The following RGS22 variants were observed in gnomAD, a reference collection of about 807,000 sequenced individuals.
RGS22 encodes regulator of G-protein signaling 22.
Under a neutral mutation model 172.9 loss-of-function variants are expected in RGS22, and 148 were observed. The observed-to-expected ratio is 0.86, with a 90% confidence interval of 0.75 to 0.98. The LOEUF is 0.98. RGS22 is among the 50% of genes least tolerant of loss of function. The probability of loss-of-function intolerance (pLI) is 0.00; values close to 1 mark genes in which losing one functional copy is unlikely to be tolerated. For synonymous variants in RGS22, 458 were observed against 480.2 expected, an observed-to-expected ratio of 0.95 and a Z score of 0.60; for missense variants, 1,347 against 1,440.8, an observed-to-expected ratio of 0.93 and a Z score of 1.05.
chr8:100,067,936 G>A (rs1810659511), intron 6 of RGS22, among the ~76,000 whole-genome samples: 1 of 152,002 alleles, frequency 6.6e-6, no homozygotes, highest in African/African-American at 2.4e-5. Context: ...ACTTTTAAGA[G>A]ATGTGCCAAT....
intron 4 of RGS22, among the ~76,000 whole-genome samples, chr8:100,074,642 C>T (rs1226934815): frequency 6.6e-6 from 1 of 152,138 alleles, no homozygotes; most frequent in East Asian, 1.9e-4. Context: ...TATGGATATA[C>T]CACAGTTTGT....
At chr8:100,057,537 G>T (rs1342009767) in intron 9 of RGS22, among the ~76,000 whole-genome samples, 1 of 152,096 alleles carries the variant, frequency 6.6e-6, no homozygotes, top group African/African-American at 2.4e-5. Context: ...GAATCGTGTG[G>T]GTGGGTCTTT....
In RGS22 at chr8:100,079,945, A is replaced by T. The variant is rs559679539; in HGVS notation, c.339+189T>A. The stretch of plus-strand genomic sequence containing the variant: ...AAATTATATGAATCTTCTCAAATTG[A>T]TAAGTGAACATCAACAAAACTGCTG... On this transcript the variant is annotated intron_variant, in intron 4 of 27. Transcript: ENST00000360863. Among the ~76,000 whole-genome samples, 10 of 152,342 alleles carry T rather than the reference A, an allele frequency of 6.6e-5. No homozygotes were observed. The South Asian group carries it at 1.9e-3, about 28-fold the overall frequency.
At chr8:99,962,311 T>C (rs1810287934) in intron 27 of RGS22, 83 bp downstream of exon 27, 2 of 840,168 alleles carry the variant, frequency 2.4e-6, no homozygotes, top group Admixed American at 1.9e-5. Flanking sequence ...TGGTATGCTG[T>C]GTGTGTGCAT....
Position 100,063,497 on chromosome 8 carries a change from C to T in RGS22, c.1271G>A (p.Gly424Asp). ...EFERFKKFIK[G>D]TLGERYWWLW... ...CCACCAATATCTCTCTCCCAATGTA[C>T]CTTTTATAAATTTCTTAAATCTTTC... The change falls in exon 8 of 28, where the codon GGT (glycine) becomes GAT (aspartate). Residue 424 changes from glycine to aspartate, a missense_variant. Physicochemically the swap from Gly to Asp is moderately conservative, Grantham distance 94. Transcript: ENST00000360863. 1 of 1,613,606 alleles carries T rather than the reference C, an allele frequency of 6.2e-7. No homozygotes were observed. The highest frequency in any genetic ancestry group is 1.1e-5 in the South Asian group (1 of 91,060).
intron 23 of RGS22, among the ~76,000 whole-genome samples, chr8:99,975,514 C>T (rs977960532): frequency 6.6e-6 from 1 of 151,852 alleles, no homozygotes; most frequent in Non-Finnish European, 1.5e-5. Flanking sequence ...TTTGAGAAGA[C>T]CCAAGGCCTA....
At chr8:100,104,719 A>G (rs1018560186) in intron 2 of RGS22, among the ~76,000 whole-genome samples, 7 of 152,212 alleles carry the variant, frequency 4.6e-5, no homozygotes, top group African/African-American at 1.7e-4. Flanking sequence ...TAAGTGCTGG[A>G]AGACATAAAT....
rs762391432 is a variant in RGS22 at position 100,074,856 on chromosome 8, C to T, written c.340-2626G>A. 3.3e-5 allele frequency among the ~76,000 whole-genome samples: 5 copies of T among 152,110 alleles called. 1 individual carries two copies. Among genetic ancestry groups the T allele is most frequent in the Non-Finnish European group, 7.4e-5 (5 of 68,026 alleles). On this transcript the variant is annotated intron_variant, in intron 4 of 27. Coordinates refer to ENST00000360863, the MANE Select transcript of RGS22 (RefSeq NM_015668.5). ...GATCTCGGCTCACTGCAAGTTCTGC[C>T]TCCCAGGTTCACGCCATTCTCCTGC...
intron 21 of RGS22, among the ~76,000 whole-genome samples, chr8:99,984,425 G>C (rs1812856063): frequency 6.8e-6 from 1 of 146,044 alleles, no homozygotes; most frequent in African/African-American, 2.7e-5. Flanking sequence ...CATTTGGTCA[G>C]AATTATAACT....
At position 99,962,385 on chromosome 8, in the gene RGS22, A is replaced by T; in HGVS notation, c.*45+9T>A. Reference sequence around the variant, plus strand: ...TGTGGGACCAACCAACATTCAGACTATGACGTACCTTGAACCTATCAGCAG... The same window carrying T: ...TGTGGGACCAACCAACATTCAGACTTTGACGTACCTTGAACCTATCAGCAG... On this transcript the variant is annotated intron_variant, in intron 27 of 27. Coordinates refer to ENST00000360863, the MANE Select transcript of RGS22 (RefSeq NM_015668.5). 1 of 1,596,210 alleles carries T rather than the reference A, an allele frequency of 6.3e-7. No homozygotes were observed. Among genetic ancestry groups the T allele is most frequent in the Non-Finnish European group, 8.6e-7 (1 of 1,164,008 alleles).
intron 11 of RGS22, among the ~76,000 whole-genome samples, chr8:100,046,672 G>A (rs540656703): frequency 3.3e-5 from 5 of 150,396 alleles, no homozygotes; most frequent in South Asian, 2.1e-4. Flanking sequence ...AGGCATCTGC[G>A]TGTTAACAAT....
chr8:100,092,323 TTA>T (rs1336621211), intron 3 of RGS22, among the ~76,000 whole-genome samples: 1 of 152,194 alleles, frequency 6.6e-6, no homozygotes. Context: ...ATAGGTCTTT[TTA>T]TGACCCCTCA....
chr8:100,017,611 T>C (rs3133681), intron 14 of RGS22, among the ~76,000 whole-genome samples: 1,641 of 152,266 alleles, frequency 0.011, 53 homozygotes, highest in East Asian at 0.11. Context: ...TATATATATA[T>C]AGCAAATACA....
chr8:99,966,564 A>G (rs1810754808), intron 23 of RGS22, among the ~76,000 whole-genome samples: 2 of 152,214 alleles, frequency 1.3e-5, no homozygotes, highest in Non-Finnish European at 2.9e-5. Flanking sequence ...CTTTAAGAAA[A>G]ACAAATAAGC....
At chr8:100,028,790 G>C (rs897530648) in intron 14 of RGS22, among the ~76,000 whole-genome samples, 2 of 152,120 alleles carry the variant, frequency 1.3e-5, no homozygotes, top group African/African-American at 2.4e-5. Flanking sequence ...GAATACTATA[G>C]CAGCCAGGCC....
chr8:99,978,139 C>T, intron 22 of RGS22, 64 bp from the exon 23 acceptor site: 2 of 922,534 alleles, frequency 2.2e-6, no homozygotes, highest in Non-Finnish European at 1.6e-6. Context: ...CTCTATTCAC[C>T]ATAATAACAG....
chr8:99,986,549 A>G (rs937294355), intron 21 of RGS22, among the ~76,000 whole-genome samples: 2 of 152,196 alleles, frequency 1.3e-5, no homozygotes, highest in Admixed American at 6.5e-5. Context: ...ACCTTTCAGT[A>G]TTTCTATACA....
intron 5 of RGS22, 124 bp from the exon 6 acceptor site, chr8:100,071,661 T>C: frequency 1.7e-6 from 1 of 603,788 alleles, no homozygotes. Flanking sequence ...TGATTTTCTT[T>C]GGCTCTGCTA....
chr8:100,006,998 T>G (rs570328782), intron 15 of RGS22, among the ~76,000 whole-genome samples: 1 of 152,266 alleles, frequency 6.6e-6, no homozygotes, highest in African/African-American at 2.4e-5. Context: ...CTGGAGAGAA[T>G]TTTTTAAAAC....
Sources: gnomAD v4.1 joint callset for allele counts (sites outside exome capture counted in the v4.1 genomes callset) on GRCh38, gnomAD v4.1.1 for gene constraint, MANE v1.5 for transcripts, NCBI Gene and HGNC (gene_info 2026-07-23, HGNC 2026-07-21) for gene names.